Variants in GRM7 observed in about 807,000 individuals in gnomAD.
GRM7 encodes glutamate metabotropic receptor 7, also known as metabotropic glutamate receptor 7.
GRM7 carries 35 observed loss-of-function variants against 84.5 expected under a neutral mutation model. The ratio of observed to expected loss-of-function variants is 0.41; its 90% CI spans 0.32 to 0.55. The LOEUF is 0.55. Ranked by LOEUF, GRM7 falls within the 20% of genes least tolerant of loss-of-function variation. The pLI is 0.19. For synonymous variants in GRM7, 487 were observed against 455.1 expected (o/e 1.07, Z -0.89); for missense variants, 1,003 against 1,194.6 (o/e 0.84, Z 2.36).
intron 9 of GRM7, among the ~76,000 whole-genome samples, chr3:7,729,588 T>A (rs1222370905): frequency 1.3e-5 from 2 of 152,084 alleles, no homozygotes; most frequent in South Asian, 4.1e-4. Context: ...ACTGGAGGGG[T>A]ATAGGTAACT....
At chr3:7,389,784 G>T (rs950475552) in intron 4 of GRM7, among the ~76,000 whole-genome samples, 3 of 146,536 alleles carry the variant, frequency 2.0e-5, no homozygotes, top group African/African-American at 7.5e-5. Context: ...CATGAATCTT[G>T]TTTTTTTTTT....
chr3:7,416,288 C>G (rs1383843398), intron 5 of GRM7, among the ~76,000 whole-genome samples: 1 of 152,132 alleles, frequency 6.6e-6, no homozygotes, highest in East Asian at 1.9e-4. Flanking sequence ...ATGACATGAT[C>G]TACCATCTTA....
intron 4 of GRM7, among the ~76,000 whole-genome samples, chr3:7,387,140 T>G (rs1008102863): frequency 2.6e-5 from 4 of 152,182 alleles, no homozygotes. Flanking sequence ...TGGTTATTTG[T>G]TTTTTTCTTG....
At chr3:7,424,303 A>G (rs1375676870) in intron 5 of GRM7, among the ~76,000 whole-genome samples, 1 of 152,098 alleles carries the variant, frequency 6.6e-6, no homozygotes, top group African/African-American at 2.4e-5. Context: ...AAACCAAAAA[A>G]AAAAGGAAAA....
intron 4 of GRM7, among the ~76,000 whole-genome samples, chr3:7,356,000 C>T (rs1693379954): frequency 6.6e-6 from 1 of 152,040 alleles, no homozygotes. Context: ...CTGTGACATC[C>T]CCTAAGGATG....
At chr3:7,417,515 G>T (rs1367499248) in intron 5 of GRM7, among the ~76,000 whole-genome samples, 1 of 152,074 alleles carries the variant, frequency 6.6e-6, no homozygotes, top group Non-Finnish European at 1.5e-5. Context: ...AGGTAACCTG[G>T]TTGCATGCTT....
intron 6 of GRM7, among the ~76,000 whole-genome samples, chr3:7,460,689 G>T (rs1559338567): frequency 6.6e-6 from 1 of 152,124 alleles, no homozygotes; most frequent in Admixed American, 6.6e-5. Context: ...GTTACTGAAT[G>T]TTTTGTGATT....
chr3:7,436,448 A>T (rs11919525), intron 5 of GRM7, among the ~76,000 whole-genome samples: 49,966 of 151,114 alleles, frequency 0.33, 9,521 homozygotes, highest in Non-Finnish European at 0.44. Flanking sequence ...AGCCATTCTT[A>T]GTTTGTAGGA....
intron 1 of GRM7, among the ~76,000 whole-genome samples, chr3:7,013,468 G>C (rs189020762): frequency 7.2e-5 from 11 of 152,060 alleles, no homozygotes; most frequent in South Asian, 2.1e-4. Flanking sequence ...AATGTCGGAG[G>C]CTCTCTTCAT....
chr3:7,584,941 C>A (rs1695448913), intron 8 of GRM7, among the ~76,000 whole-genome samples: 1 of 152,088 alleles, frequency 6.6e-6, no homozygotes. Context: ...TATCCCACAC[C>A]CTAAAGACAA....
At chr3:6,953,278 C>T (rs1301292080) in intron 1 of GRM7, among the ~76,000 whole-genome samples, 2 of 152,176 alleles carry the variant, frequency 1.3e-5, no homozygotes, top group African/African-American at 4.8e-5. Flanking sequence ...CCACATTGTT[C>T]TCCATCACCT....
At chr3:6,917,510 TTTG>T (rs1482385113) in intron 1 of GRM7, among the ~76,000 whole-genome samples, 1 of 148,440 alleles carries the variant, frequency 6.7e-6, no homozygotes, top group African/African-American at 2.5e-5. Context: ...TTTTTTTTTT[TTTG>T]GAAAGAGAAG....
chr3:7,661,114 C>T (rs993256075), intron 8 of GRM7, among the ~76,000 whole-genome samples: 1 of 152,000 alleles, frequency 6.6e-6, no homozygotes, highest in Non-Finnish European at 1.5e-5. Context: ...TGGACTTCAT[C>T]GAAATTAGAA....
chr3:7,638,454 A>G (rs1023943850), intron 8 of GRM7, among the ~76,000 whole-genome samples: 2 of 152,194 alleles, frequency 1.3e-5, no homozygotes, highest in African/African-American at 2.4e-5. Flanking sequence ...ATTGCTCTAG[A>G]TCCAGTTTGA....
intron 1 of GRM7, among the ~76,000 whole-genome samples, chr3:7,030,651 C>T (rs1559394863): frequency 6.6e-6 from 1 of 152,068 alleles, no homozygotes; most frequent in Non-Finnish European, 1.5e-5. Context: ...CAAATGGATC[C>T]TGGAAATCAC....
chr3:7,645,050 A>G (rs913583763), intron 8 of GRM7, among the ~76,000 whole-genome samples: 3 of 152,016 alleles, frequency 2.0e-5, no homozygotes, highest in Admixed American at 2.0e-4. Flanking sequence ...GATGGAAAAG[A>G]ACTAGGTTTC....
intron 4 of GRM7, among the ~76,000 whole-genome samples, chr3:7,398,625 G>GTA (rs974921824): frequency 3.3e-5 from 5 of 151,842 alleles, no homozygotes; most frequent in African/African-American, 1.2e-4. Context: ...TTTTTTGTGT[G>GTA]TATATATATG....
chr3:7,139,405 C>T (rs1280216611), intron 1 of GRM7, among the ~76,000 whole-genome samples: 2 of 151,788 alleles, frequency 1.3e-5, no homozygotes, highest in Non-Finnish European at 2.9e-5. Context: ...GTTTTAATTA[C>T]TGCTTAAAGT....
chr3:6,888,970 G>A (rs892780993), intron 1 of GRM7, among the ~76,000 whole-genome samples: 2 of 152,126 alleles, frequency 1.3e-5, no homozygotes, highest in East Asian at 1.9e-4. Flanking sequence ...TGGATTCCTA[G>A]GTATTTTATT....
Sources: allele counts gnomAD v4.1 joint callset (sites outside exome capture counted in the v4.1 genomes callset), GRCh38; gene constraint gnomAD v4.1.1; transcripts MANE v1.5; gene names NCBI Gene and HGNC (gene_info 2026-07-23, HGNC 2026-07-21).